Variants in SLC5A4 observed in about 807,000 individuals in gnomAD.
SLC5A4 encodes solute carrier family 5 member 4.
SLC5A4 carries 55 observed loss-of-function variants against 70.3 expected under a neutral mutation model. The ratio of observed to expected loss-of-function variants is 0.78; its 90% CI spans 0.63 to 0.98. SLC5A4 has a LOEUF of 0.98. Among genes scored for constraint, SLC5A4 ranks in the 50% least tolerant of loss-of-function variants. The pLI, the probability that SLC5A4 is intolerant of heterozygous loss-of-function variation, is 0.00. For missense variants in SLC5A4, 735 were observed against 839.2 expected, an observed-to-expected ratio of 0.88 and a Z score of 1.53; for synonymous variants, 268 against 305.7, an observed-to-expected ratio of 0.88 and a Z score of 1.29.
the SLC5A4 span, among the ~76,000 whole-genome samples, chr22:32,354,524 G>A: frequency 2.6e-5 from 4 of 152,064 alleles, no homozygotes; most frequent in Middle Eastern, 3.2e-3. Context: ...GCCTGACAAG[G>A]GCAATGCAAC....
chr22:32,218,544 C>T lies in SLC5A4; in HGVS notation c.1950G>A (p.Val650=), dbSNP rs748557070. ...CATAGTAGCCGTGAATAAAGACCACCACAGCCAGGAGGAGGATGGCGTTGA... is the reference window on the plus strand; with the variant it reads ...CATAGTAGCCGTGAATAAAGACCACTACAGCCAGGAGGAGGATGGCGTTGA... ...VNINAILLLA[V]VVFIHGYYA The change falls in exon 15 of 15, where the codon GTG becomes GTA. Residue 650 remains valine (V), a synonymous_variant. Transcript: ENST00000266086. 1 of 1,612,892 alleles carries T rather than the reference C, an allele frequency of 6.2e-7. No homozygotes were observed. Among genetic ancestry groups the T allele is most frequent in the Non-Finnish European group, 8.5e-7 (1 of 1,179,572 alleles).
chr22:32,265,904 T>C, the SLC5A4 span, among the ~76,000 whole-genome samples: 2 of 152,172 alleles, frequency 1.3e-5, no homozygotes, highest in Non-Finnish European at 2.9e-5. Context: ...AGCTCTCAAC[T>C]AAGTTTGACT....
At chr22:32,341,573 T>C in the SLC5A4 span, among the ~76,000 whole-genome samples, 2 of 152,190 alleles carry the variant, frequency 1.3e-5, no homozygotes, top group East Asian at 1.9e-4. Flanking sequence ...AGCAGAGCAC[T>C]GTCTTCAACA....
chr22:32,339,876 G>A, the SLC5A4 span, among the ~76,000 whole-genome samples: 1 of 152,204 alleles, frequency 6.6e-6, no homozygotes, highest in South Asian at 2.1e-4. Flanking sequence ...TGACACCTGC[G>A]GGCCAGATCT....
the SLC5A4 span, among the ~76,000 whole-genome samples, chr22:32,330,928 G>A: frequency 7.5e-5 from 3 of 40,062 alleles, no homozygotes; most frequent in Admixed American, 5.5e-4. Context: ...GGAGGCCTCT[G>A]GTGTGTATGT....
chr22:32,292,675 G>A, the SLC5A4 span, among the ~76,000 whole-genome samples: 1 of 152,010 alleles, frequency 6.6e-6, no homozygotes, highest in Non-Finnish European at 1.5e-5. Flanking sequence ...GAAGTTCACT[G>A]ATACTTGCTT....
chr22:32,299,295 T>C, the SLC5A4 span, among the ~76,000 whole-genome samples: 1 of 151,256 alleles, frequency 6.6e-6, no homozygotes, highest in Admixed American at 6.6e-5. Context: ...GGTAAACCAA[T>C]CAGACGTAAA....
At chr22:32,310,900 G>A in the SLC5A4 span, among the ~76,000 whole-genome samples, 3 of 152,220 alleles carry the variant, frequency 2.0e-5, no homozygotes, top group Non-Finnish European at 1.5e-5. Context: ...GTGGAGCCCA[G>A]GGCTGGGCAC....
the SLC5A4 span, among the ~76,000 whole-genome samples, chr22:32,353,929 C>A: frequency 2.0e-5 from 3 of 151,656 alleles, no homozygotes; most frequent in Non-Finnish European, 4.4e-5. Context: ...CTGCTCCCCA[C>A]TGGGAGCAGC....
chr22:32,307,625 C>T, the SLC5A4 span, among the ~76,000 whole-genome samples: 8 of 152,180 alleles, frequency 5.3e-5, no homozygotes, highest in South Asian at 2.1e-4. Flanking sequence ...TTGAGCTTTT[C>T]GGGTCACAAC....
chr22:32,258,267 A>T (rs1191166347), upstream of SLC5A4, among the ~76,000 whole-genome samples: 1 of 152,188 alleles, frequency 6.6e-6, no homozygotes, highest in Non-Finnish European at 1.5e-5. Context: ...TTCCAATTAG[A>T]ATGCCTTTTA....
chr22:32,304,749 C>T, the SLC5A4 span, among the ~76,000 whole-genome samples: 1 of 152,142 alleles, frequency 6.6e-6, no homozygotes, highest in South Asian at 2.1e-4. Context: ...TCCAACTTAT[C>T]AATTCTCTCT....
intron 2 of SLC5A4, among the ~76,000 whole-genome samples, chr22:32,253,465 G>A (rs1927290450): frequency 6.6e-6 from 1 of 152,222 alleles, no homozygotes; most frequent in African/African-American, 2.4e-5. Flanking sequence ...CATTGAAAGA[G>A]GACAGCAGAC....
the SLC5A4 span, chr22:32,272,324 G>C: frequency 3.6e-6 from 3 of 826,944 alleles, no homozygotes; most frequent in Non-Finnish European, 6.3e-6. Flanking sequence ...TGACTGCCCT[G>C]TGCACTGCAA....
chr22:32,288,909 T>G, the SLC5A4 span, among the ~76,000 whole-genome samples: 1 of 152,158 alleles, frequency 6.6e-6, no homozygotes, highest in African/African-American at 2.4e-5. Context: ...CTGTGAAAGG[T>G]GATGTTTGAA....
the SLC5A4 span, among the ~76,000 whole-genome samples, chr22:32,352,742 T>C: frequency 6.6e-6 from 1 of 152,224 alleles, no homozygotes; most frequent in Non-Finnish European, 1.5e-5. Context: ...CAACTACTAC[T>C]GCTGTCACCC....
upstream of SLC5A4, among the ~76,000 whole-genome samples, chr22:32,259,877 T>TA (rs1256807735): frequency 6.6e-6 from 1 of 151,922 alleles, no homozygotes; most frequent in Admixed American, 6.6e-5. Context: ...GAGAAGGGAG[T>TA]ATTCACAGGA....
the SLC5A4 span, among the ~76,000 whole-genome samples, chr22:32,324,956 G>A: frequency 0.12 from 17,761 of 152,292 alleles, 1,407 homozygotes; most frequent in Non-Finnish European, 0.18. Flanking sequence ...GGTCACATGC[G>A]GGGCTGTAGC....
At chr22:32,253,785 C>CTT (rs112881344) in intron 2 of SLC5A4, among the ~76,000 whole-genome samples, 7 of 147,088 alleles carry the variant, frequency 4.8e-5, no homozygotes, top group African/African-American at 7.4e-5. Context: ...TCTACATTCA[C>CTT]TTTTTTTTTT....
Sources: allele counts gnomAD v4.1 joint callset (sites outside exome capture counted in the v4.1 genomes callset), GRCh38; gene constraint gnomAD v4.1.1; transcripts MANE v1.5; gene names NCBI Gene and HGNC (gene_info 2026-07-23, HGNC 2026-07-21).